Variants in RB1 observed in about 807,000 individuals in gnomAD.
RB1 encodes RB transcriptional corepressor 1, also known as retinoblastoma-associated protein.
Under a neutral mutation model 135.4 loss-of-function variants are expected in RB1, and 18 were observed. The observed-to-expected ratio is 0.13, with a 90% CI of 0.09 to 0.20. The LOEUF (loss-of-function observed/expected upper bound fraction) is 0.20. RB1 is among the 10% of genes least tolerant of loss of function. The probability of loss-of-function intolerance (pLI) is 1.00; values close to 1 mark genes in which losing one functional copy is unlikely to be tolerated. For synonymous variants in RB1, 365 were observed against 373.2 expected, an observed-to-expected ratio of 0.98 and a Z score of 0.25; for missense variants, 868 against 1,110.0, an observed-to-expected ratio of 0.78 and a Z score of 3.10.
chr13:48,364,954 T>C lies in RB1; in HGVS notation c.922T>C (p.Ser308Pro). ...TATGAATTCTCTTGGACTTGTAACA[T>C]CTAATGGACTTCCAGAGGTAATCTG... is the stretch of plus-strand genomic sequence containing the variant. ...PFMNSLGLVT[S>P]NGLPEVENLS... Residue 308 changes from serine (S) to proline (P), a missense_variant, in exon 9 of 27, where the codon TCT becomes CCT. Physicochemically the swap from Ser to Pro is moderately conservative, Grantham distance 74 (BLOSUM62 -1). Coordinates refer to ENST00000267163, the MANE Select transcript of RB1 (RefSeq NM_000321.3). 6.4e-7 allele frequency: 1 copy of C among 1,572,234 alleles called. No homozygotes were observed. Among genetic ancestry groups the C allele is most frequent in the Non-Finnish European group, 8.7e-7 (1 of 1,154,644 alleles).
At position 48,318,541 on chromosome 13, in the gene RB1, C is replaced by T. The variant is rs772896418; in HGVS notation, c.264+11135C>T. 7.8e-6 allele frequency: 6 copies of T among 770,592 alleles called. No homozygotes were observed. The African/African-American group carries it at 8.8e-5, about 11-fold the overall frequency. 47.7% of individuals were successfully genotyped at this position (770,592 alleles called of 1,614,324 possible). A position where few individuals can be genotyped will look rare whatever the true frequency, so the allele number is the denominator to read the frequency against. ...CCGGGCCCCTTGGCTGCGCCCTCCC[C>T]TCCCGGGACCTCGCTGGCTTTGCCC... is the stretch of plus-strand genomic sequence containing the variant. On this transcript the variant is annotated intron_variant, in intron 2 of 26. Coordinates refer to ENST00000267163, the MANE Select transcript of RB1 (RefSeq NM_000321.3).
chr13:48,368,745 C>T, intron 11 of RB1, 141 bp downstream of exon 11: 1 of 1,275,314 alleles, frequency 7.8e-7, no homozygotes, highest in Non-Finnish European at 1.0e-6. Context: ...GTGGATCACA[C>T]CTGTAATCCC....
intron 17 of RB1, chr13:48,389,495 A>C (rs1593461717): frequency 6.6e-6 from 1 of 152,350 alleles, no homozygotes; most frequent in Non-Finnish European, 1.5e-5. Context: ...ATATTTTTTA[A>C]ATCAGAAAGG....
chr13:48,446,550 T>C (rs574634988), intron 17 of RB1, among the ~76,000 whole-genome samples: 24 of 152,062 alleles, frequency 1.6e-4, no homozygotes, highest in African/African-American at 5.5e-4. Flanking sequence ...AGAGCAGAGG[T>C]AGGAGTAGCA....
intron 14 of RB1, 92 bp from the exon 15 acceptor site, chr13:48,379,961 A>G: frequency 1.4e-6 from 1 of 716,470 alleles, no homozygotes; most frequent in South Asian, 2.6e-5. Flanking sequence ...ACCATCTAAA[A>G]AAAAAAAAAA....
At chr13:48,411,853 C>T (rs200893624) in intron 17 of RB1, 3 of 1,613,752 alleles carry the variant, frequency 1.9e-6, no homozygotes, top group Non-Finnish European at 2.5e-6. Context: ...AAAAATCCCA[C>T]TATTTCGATG....
At position 48,362,811 on chromosome 13, in the gene RB1, A is replaced by G. The variant is rs2138112038; in HGVS notation, c.719-4A>G. 6.2e-7 allele frequency: 1 copy of G among 1,613,320 alleles called. No homozygotes were observed. Among genetic ancestry groups the G allele is most frequent in the African/African-American group, 1.3e-5 (1 of 75,020 alleles). On this transcript the variant is annotated splice_polypyrimidine_tract_variant and splice_region_variant and intron_variant, in intron 7 of 26. Transcript: ENST00000267163. The stretch of plus-strand genomic sequence containing the variant: ...TGTTCTTATCTAATTTACCACTTTT[A>G]CAGAAACAGCTGTTATACCCATTAA...
chr13:48,432,349 G>A (rs7328619), intron 17 of RB1, among the ~76,000 whole-genome samples: 7,602 of 150,592 alleles, frequency 0.05, 627 homozygotes, highest in African/African-American at 0.17. Flanking sequence ...TTTCAACTTG[G>A]TAAGATTCTA....
chr13:48,439,865 A>G (rs1416188468), intron 17 of RB1: 1 of 152,194 alleles, frequency 6.6e-6, no homozygotes, highest in Non-Finnish European at 1.5e-5. Flanking sequence ...TTAAGAAAGA[A>G]TATTAAGTCA....
chr13:48,433,884 T>G (rs756951918), intron 17 of RB1, among the ~76,000 whole-genome samples: 9 of 152,062 alleles, frequency 5.9e-5, no homozygotes, highest in Middle Eastern at 3.4e-3. Flanking sequence ...TTTATTTATA[T>G]GTATATACAT....
At chr13:48,318,145 C>T (rs532220050) in intron 2 of RB1, 4 of 516,250 alleles carry the variant, frequency 7.7e-6, no homozygotes, top group African/African-American at 3.9e-5. Flanking sequence ...CTGACGCCCT[C>T]CTGCTTCGTC....
chr13:48,343,751 CT>C (rs1952467622), intron 3 of RB1, among the ~76,000 whole-genome samples: 2 of 152,130 alleles, frequency 1.3e-5, no homozygotes, highest in South Asian at 4.1e-4. Flanking sequence ...ATTTCTTTTT[CT>C]TTGGATATAT....
chr13:48,316,719 TCACACACACACACA>T (rs60176662), intron 2 of RB1: 10,831 of 107,528 alleles, frequency 0.1, 735 homozygotes, highest in South Asian at 0.12. Context: ...CACAGAACCA[TCACACACACACACA>T]CACACACACA....
chr13:48,346,572 G>A (rs756952055), intron 4 of RB1, among the ~76,000 whole-genome samples: 6 of 151,272 alleles, frequency 4.0e-5, no homozygotes, highest in Non-Finnish European at 8.8e-5. Flanking sequence ...TTAGGCCCCT[G>A]AAAAACTGGA....
chr13:48,465,024 A>G lies in RB1; in HGVS notation c.2238A>G (p.Glu746=), dbSNP rs991505835. The G allele has an allele frequency of 7.5e-6, 12 of 1,605,008 alleles. No individual in the cohort carries two copies. The highest frequency in any genetic ancestry group is 2.2e-5 in the East Asian group (1 of 44,508). Reference sequence around the variant, plus strand: ...CATTCAAACGTGTTTTGATCAAAGAAGAGGAGTATGATTCTATTATAGTAT... The same window carrying G: ...CATTCAAACGTGTTTTGATCAAAGAGGAGGAGTATGATTCTATTATAGTAT... ...QETFKRVLIK[E]EEYDSIIVFY... Residue 746 remains glutamate, a synonymous_variant, in exon 22 of 27, where the codon GAA becomes GAG. Coordinates refer to ENST00000267163, the MANE Select transcript of RB1 (RefSeq NM_000321.3).
intron 6 of RB1, among the ~76,000 whole-genome samples, chr13:48,349,708 C>T (rs951128945): frequency 2.6e-5 from 4 of 151,914 alleles, no homozygotes; most frequent in Non-Finnish European, 5.9e-5. Flanking sequence ...TAACGTTGAA[C>T]ATAAATGGAC....
chr13:48,425,505 C>T (rs765455011), intron 17 of RB1, among the ~76,000 whole-genome samples: 14 of 152,082 alleles, frequency 9.2e-5, no homozygotes, highest in African/African-American at 2.2e-4. Context: ...CTAGTTTAGA[C>T]GCTGCAAAGT....
At chr13:48,318,991 C>G (rs946449421) in intron 2 of RB1, 1 of 749,820 alleles carries the variant, frequency 1.3e-6, no homozygotes, top group African/African-American at 1.7e-5. Context: ...TGCTGCCTTA[C>G]ATGGGGGCCG....
intron 17 of RB1, among the ~76,000 whole-genome samples, chr13:48,418,559 G>T (rs978273619): frequency 6.6e-6 from 1 of 152,022 alleles, no homozygotes; most frequent in African/African-American, 2.4e-5. Context: ...AAGTAAACGG[G>T]CTAAGTGCCA....
Sources: gnomAD v4.1 joint callset for allele counts (sites outside exome capture counted in the v4.1 genomes callset) on GRCh38, gnomAD v4.1.1 for gene constraint, MANE v1.5 for transcripts, NCBI Gene and HGNC (gene_info 2026-07-23, HGNC 2026-07-21) for gene names.